SLC25A24: variants seen among roughly 807,000 people sequenced by gnomAD.
SLC25A24 encodes the protein mitochondrial adenyl nucleotide antiporter SLC25A24.
SLC25A24 carries 49 observed loss-of-function variants against 60.7 expected under a neutral mutation model. The ratio of observed to expected loss-of-function variants is 0.81; its 90% confidence interval spans 0.64 to 1.02. SLC25A24 has a LOEUF of 1.02. Among genes scored for constraint, SLC25A24 ranks in the 50% least tolerant of loss-of-function variants. The pLI, the probability that SLC25A24 is intolerant of heterozygous loss-of-function variation, is 0.00. For synonymous variants in SLC25A24, 202 were observed against 200.6 expected (o/e 1.01, Z -0.06); for missense variants, 564 against 586.3 (o/e 0.96, Z 0.39).
At chr1:108,199,557 A>G (rs1425480373) in intron 1 of SLC25A24, 4 of 321,472 alleles carry the variant, frequency 1.2e-5, no homozygotes, top group African/African-American at 8.5e-5. Context: ...AAGAGATCGA[A>G]TGTGTGCGCC....
At chr1:108,148,472 C>A (rs1415389838) in intron 6 of SLC25A24, 86 bp from the exon 7 acceptor site, 2 of 782,444 alleles carry the variant, frequency 2.6e-6, no homozygotes, top group Admixed American at 1.8e-5. Flanking sequence ...GAAGCTGTAA[C>A]CTCCCATGTG....
intron 1 of SLC25A24, among the ~76,000 whole-genome samples, chr1:108,195,108 A>G (rs532325823): frequency 1.3e-5 from 2 of 152,362 alleles, no homozygotes; most frequent in African/African-American, 2.4e-5. Context: ...CCTTAAAAAG[A>G]TAAGATTTTT....
chr1:108,156,514 A>C (rs1437411640), intron 5 of SLC25A24, among the ~76,000 whole-genome samples: 1 of 152,198 alleles, frequency 6.6e-6, no homozygotes, highest in African/African-American at 2.4e-5. Flanking sequence ...CCCCTAAATA[A>C]ATTTTGAGAT....
chr1:108,199,857 C>T (rs1648604591), intron 1 of SLC25A24, 99 bp downstream of exon 1: 1 of 925,112 alleles, frequency 1.1e-6, no homozygotes, highest in Non-Finnish European at 1.6e-6. Flanking sequence ...TCCTTCCTCT[C>T]CTGGCAACGC....
At position 108,139,206 on chromosome 1, in the gene SLC25A24, G is replaced by C. The variant is rs779900460; in HGVS notation, c.1101C>G (p.Leu367=). 6.3e-6 allele frequency: 10 copies of C among 1,583,334 alleles called. No individual in the cohort carries two copies. The highest frequency in any genetic ancestry group is 8.6e-6 in the Non-Finnish European group (10 of 1,169,152). Residue 367 remains leucine, a splice_region_variant and synonymous_variant, in exon 9 of 10, where the codon CTC becomes CTG. Coordinates refer to ENST00000565488, the MANE Select transcript of SLC25A24 (RefSeq NM_013386.5). ...AATTATCCAGCCAATAGGACTTCAA[G>C]AGCTGCCAGAGAAATAAAGAAGAAA... ...YAGIDLAVYE[L]LKSYWLDNFA...
intron 3 of SLC25A24, among the ~76,000 whole-genome samples, chr1:108,176,632 T>A (rs1647683120): frequency 1.3e-5 from 2 of 151,934 alleles, no homozygotes; most frequent in South Asian, 4.2e-4. Flanking sequence ...CAGCAAAAGA[T>A]AAGAAGCAAA....
At chr1:108,143,801 T>A in intron 7 of SLC25A24, 91 bp from the exon 8 acceptor site, 1 of 923,602 alleles carries the variant, frequency 1.1e-6, no homozygotes, top group Non-Finnish European at 1.7e-6. Context: ...AACAAATACC[T>A]AGCACATATT....
intron 2 of SLC25A24, among the ~76,000 whole-genome samples, chr1:108,183,347 C>T (rs752246563): frequency 7.9e-5 from 12 of 152,178 alleles, no homozygotes; most frequent in Non-Finnish European, 1.3e-4. Context: ...GAATATTCTC[C>T]TTTAGAAATG....
chr1:108,165,251 G>GA (rs1680213149), intron 3 of SLC25A24, among the ~76,000 whole-genome samples: 1 of 152,132 alleles, frequency 6.6e-6, no homozygotes, highest in Non-Finnish European at 1.5e-5. Flanking sequence ...GTGTGGTGCT[G>GA]AAAAAAATGT....
At chr1:108,182,450 T>C (rs891477847) in intron 2 of SLC25A24, among the ~76,000 whole-genome samples, 1 of 152,198 alleles carries the variant, frequency 6.6e-6, no homozygotes, top group African/African-American at 2.4e-5. Context: ...TACTAGACAT[T>C]TACTATGCAA....
At chr1:108,151,214 C>T (rs1251975989) in intron 6 of SLC25A24, among the ~76,000 whole-genome samples, 1 of 151,876 alleles carries the variant, frequency 6.6e-6, no homozygotes, top group Non-Finnish European at 1.5e-5. Context: ...AACAAACAAA[C>T]ATACAAACAG....
At chr1:108,146,380 C>T (rs1202846352) in intron 7 of SLC25A24, among the ~76,000 whole-genome samples, 2 of 152,154 alleles carry the variant, frequency 1.3e-5, no homozygotes, top group Admixed American at 1.3e-4. Context: ...ATTTGACTTC[C>T]TCTTTTCCTA....
At chr1:108,167,447 C>T (rs1386363994) in intron 3 of SLC25A24, among the ~76,000 whole-genome samples, 6 of 152,304 alleles carry the variant, frequency 3.9e-5, no homozygotes, top group South Asian at 2.1e-4. Flanking sequence ...AGCGAGACTC[C>T]GTGGGTGTAG....
chr1:108,148,549 T>A (rs2101604844), intron 6 of SLC25A24, among the ~76,000 whole-genome samples, 163 bp from the exon 7 acceptor site: 1 of 152,112 alleles, frequency 6.6e-6, no homozygotes, highest in South Asian at 2.1e-4. Flanking sequence ...GGAGCCCTCA[T>A]GACAGGATCA....
chr1:108,197,660 G>C (rs1473356485), intron 1 of SLC25A24, among the ~76,000 whole-genome samples: 3 of 152,344 alleles, frequency 2.0e-5, no homozygotes, highest in South Asian at 2.1e-4. Flanking sequence ...TTCTGGGTGT[G>C]TCTGTGAGGA....
At position 108,165,304 on chromosome 1, in the gene SLC25A24, T is replaced by G. The variant is rs1347414527; in HGVS notation, c.399-4011A>C. On this transcript the variant is annotated intron_variant, in intron 3 of 9. Transcript: ENST00000565488. Reference sequence around the variant, plus strand: ...GGTGCAGAGTTCTGTAGATGTGTATTAGGTCTGCTTGGTGCAGAGCTGAGT... The same window carrying G: ...GGTGCAGAGTTCTGTAGATGTGTATGAGGTCTGCTTGGTGCAGAGCTGAGT... Among the ~76,000 whole-genome samples the G allele has an allele frequency of 4.6e-5, 7 of 152,326 alleles. No individual in the cohort carries two copies. The East Asian group carries it at 1.3e-3, about 29-fold the overall frequency.
chr1:108,170,682 A>G (rs1647431669), intron 3 of SLC25A24, among the ~76,000 whole-genome samples: 1 of 151,962 alleles, frequency 6.6e-6, no homozygotes, highest in Non-Finnish European at 1.5e-5. Context: ...TAATGTTTTT[A>G]CTATATAATC....
At chr1:108,180,085 T>C (rs1006825896) in intron 3 of SLC25A24, among the ~76,000 whole-genome samples, 3 of 152,136 alleles carry the variant, frequency 2.0e-5, no homozygotes, top group Admixed American at 2.0e-4. Flanking sequence ...AGCTGCTGGC[T>C]AGGTGCGGTG....
chr1:108,148,314 C>G lies in SLC25A24; in HGVS notation c.895G>C (p.Gly299Arg). ...TATATAAAAGTCTGTGCAGTTGCTC[C>G]AGCCATGGAACCAGAAATAAATCTC... ...FERFISGSMA[G>R]ATAQTFIYPM... is the part of the protein sequence containing the mutation. Residue 299 changes from glycine to arginine, a missense_variant, in exon 7 of 10, where the codon GGA (glycine) becomes CGA (arginine). By Grantham distance (125) the Gly-to-Arg change is moderately radical (BLOSUM62 -2). Transcript: ENST00000565488. The G allele has an allele frequency of 6.2e-7, 1 of 1,612,690 alleles. No homozygotes were observed. Among genetic ancestry groups the G allele is most frequent in the Non-Finnish European group, 8.5e-7 (1 of 1,178,732 alleles).
Sources: allele counts gnomAD v4.1 joint callset (sites outside exome capture counted in the v4.1 genomes callset), GRCh38; gene constraint gnomAD v4.1.1; transcripts MANE v1.5; gene names NCBI Gene and HGNC (gene_info 2026-07-23, HGNC 2026-07-21).